The following CARM1 variants were observed in gnomAD, a reference collection of about 807,000 sequenced individuals.
CARM1 encodes coactivator associated arginine methyltransferase 1.
Under a neutral mutation model 72.7 loss-of-function variants are expected in CARM1, and 14 were observed. The ratio of observed to expected loss-of-function variants is 0.19; its 90% CI spans 0.13 to 0.30. The LOEUF is 0.30. Ranked by LOEUF, CARM1 falls within the 10% of genes least tolerant of loss-of-function variation. The pLI is 1.00. For missense variants in CARM1, 432 were observed against 833.7 expected (o/e 0.52, Z 5.93); for synonymous variants, 333 against 345.5 (o/e 0.96, Z 0.40).
rs1184781686 is a variant in CARM1 at position 10,871,589 on chromosome 19, AGCGGCGGCGGCGGCGGCG to A, written c.-81_-64del. 0.043 allele frequency: 4,979 copies of A among 117,064 alleles called. 136 individuals carry two copies. Among genetic ancestry groups the A allele is most frequent in the East Asian group, 0.079 (312 of 3,966 alleles). 7.3% of individuals were successfully genotyped at this position (117,064 alleles called of 1,614,324 possible). A position where few individuals can be genotyped will look rare whatever the true frequency, so the allele number is the denominator to read the frequency against. ...CGGCGGCTGCGGCGGCGGTAGCGGC[AGCGGCGGCGGCGGCGGCG>A]GCGGCGGCGGCGGCGGCGGCGGCGG... On this transcript the variant is annotated 5_prime_UTR_variant, in exon 1 of 16. Transcript: ENST00000327064. This position sits in a 1 kb window ranked among gnomAD's most constrained non-coding sequence, Gnocchi z 5.6.
In CARM1 at chr19:10,920,253, GTACA is replaced by G. The variant is rs2074230736; in HGVS notation, c.1197-181_1197-178del. Among the ~76,000 whole-genome samples the G allele has an allele frequency of 1.3e-5, 2 of 152,064 alleles. No homozygotes were observed. Among genetic ancestry groups the G allele is most frequent in the South Asian group, 2.1e-4 (1 of 4,820 alleles). On this transcript the variant is annotated intron_variant, in intron 10 of 15. Coordinates refer to ENST00000327064, the MANE Select transcript of CARM1 (RefSeq NM_199141.2). This position sits in a 1 kb window ranked among gnomAD's most constrained non-coding sequence, Gnocchi z 5.3. ...TCTCGTGGTTGCGGGCCCCTCGTGTGTACATGTATGCCTGCTCATGTTTGTGTCT... is the reference window on the plus strand; with the variant it reads ...TCTCGTGGTTGCGGGCCCCTCGTGTGTGTATGCCTGCTCATGTTTGTGTCT...
intron 1 of CARM1, among the ~76,000 whole-genome samples, chr19:10,874,285 C>G (rs950416528): frequency 6.6e-6 from 1 of 152,176 alleles, no homozygotes; most frequent in Non-Finnish European, 1.5e-5. Flanking sequence ...GTCCACATTC[C>G]TCAGAGAGCC....
rs760295631 is a variant in CARM1 at position 10,912,315 on chromosome 19, C to T, written c.669+21C>T. 1.9e-6 allele frequency: 3 copies of T among 1,567,066 alleles called. No individual in the cohort carries two copies. Among genetic ancestry groups the T allele is most frequent in the Non-Finnish European group, 1.8e-6 (2 of 1,138,168 alleles). On this transcript the variant is annotated intron_variant, in intron 5 of 15. Coordinates refer to ENST00000327064, the MANE Select transcript of CARM1 (RefSeq NM_199141.2). The surrounding 1 kb of genome is among the most constrained non-coding windows in gnomAD (Gnocchi z 4.5). ...CTGAGGTCAGTGGCCCGCTGGTGCC[C>T]ACCCAGCCTCGTCCTCGCCCATGAG... is the stretch of plus-strand genomic sequence containing the variant.
chr19:10,907,530 C>G (rs749279810), intron 2 of CARM1, among the ~76,000 whole-genome samples: 15 of 152,188 alleles, frequency 9.9e-5, no homozygotes, highest in Non-Finnish European at 1.9e-4. Flanking sequence ...ACCTCAGCCT[C>G]CCACCTCAGC....
Position 10,922,568 on chromosome 19 carries a change from A to C in CARM1, c.*811A>C, listed in dbSNP as rs1177546390. ...TGGGGCAGACACAGACACCTCAAGG[A>C]TCTGTCACGGAAGGCGTCCTTTTTC... On this transcript the variant is annotated 3_prime_UTR_variant, in exon 16 of 16. Transcript: ENST00000327064. 6.6e-6 allele frequency: 1 copy of C among 150,888 alleles called. No homozygotes were observed. The highest frequency in any genetic ancestry group is 2.0e-4 in the East Asian group (1 of 5,080). 9.3% of individuals were successfully genotyped at this position (150,888 alleles called of 1,614,324 possible).
In CARM1 at chr19:10,908,161, C is replaced by G. The variant is rs367737066; in HGVS notation, c.453+16C>G. 2.5e-6 allele frequency: 4 copies of G among 1,575,696 alleles called. No homozygotes were observed. The highest frequency in any genetic ancestry group is 2.7e-5 in the African/African-American group (2 of 74,134). On this transcript the variant is annotated intron_variant, in intron 3 of 15. Coordinates refer to ENST00000327064, the MANE Select transcript of CARM1 (RefSeq NM_199141.2). ...GTACTTCCAGGTGGGTTGTACTCCCCCTCAGCCAGGCCGCCTCCCCCCGGC... is the reference window on the plus strand; with the variant it reads ...GTACTTCCAGGTGGGTTGTACTCCCGCTCAGCCAGGCCGCCTCCCCCCGGC...
At chr19:10,878,958 C>T (rs1166119585) in intron 1 of CARM1, among the ~76,000 whole-genome samples, 1 of 152,130 alleles carries the variant, frequency 6.6e-6, no homozygotes, top group Non-Finnish European at 1.5e-5. Context: ...AGGCGTGTGC[C>T]ACCACGGCTG....
In CARM1 at chr19:10,916,365, T is replaced by C. The variant is rs1211275625; in HGVS notation, c.848-42T>C. 7.4e-7 allele frequency: 1 copy of C among 1,350,800 alleles called. No homozygotes were observed. Among genetic ancestry groups the C allele is most frequent in the Non-Finnish European group, 1.1e-6 (1 of 942,762 alleles). 83.7% of individuals were successfully genotyped at this position (1,350,800 alleles called of 1,614,324 possible). A position where few individuals can be genotyped will look rare whatever the true frequency, so the allele number is the denominator to read the frequency against. ...GGAAGCTCTGCCAGGCAGTGTGGGA[T>C]GTGTCACCTGACGCCAGCACCCCTC... On this transcript the variant is annotated intron_variant, in intron 6 of 15. Transcript: ENST00000327064. The surrounding 1 kb of genome is among the most constrained non-coding windows in gnomAD (Gnocchi z 4.4).
At position 10,888,546 on chromosome 19, in the gene CARM1, G is replaced by A. The variant is rs1188744405; in HGVS notation, c.221-16405G>A. On this transcript the variant is annotated intron_variant, in intron 1 of 15. Transcript: ENST00000327064. ...TCACAGCTTCAAAGTCTTGGCCCGC[G>A]GGAGAAGAAAGACTGGGCGAGCTGG... 2.6e-5 allele frequency among the ~76,000 whole-genome samples: 4 copies of A among 152,156 alleles called. No homozygotes were observed. In the South Asian group the frequency reaches 8.3e-4, roughly 32 times the overall value.
chr19:10,894,204 C>T (rs2074007909), intron 1 of CARM1, among the ~76,000 whole-genome samples: 1 of 152,154 alleles, frequency 6.6e-6, no homozygotes. Flanking sequence ...TGTTGTCCGT[C>T]TCCTCACTGC....
intron 15 of CARM1, 28 bp downstream of exon 15, chr19:10,921,471 G>A (rs762466763): frequency 4.5e-5 from 71 of 1,591,094 alleles, no homozygotes; most frequent in South Asian, 3.5e-4. Context: ...GGCAGGGCCC[G>A]TGGGGGCCGA....
chr19:10,907,596 T>G (rs1189851744), intron 2 of CARM1, among the ~76,000 whole-genome samples: 1 of 152,218 alleles, frequency 6.6e-6, no homozygotes, highest in East Asian at 1.9e-4. Context: ...TCTACTGTGC[T>G]TTTCTGTGCC....
intron 1 of CARM1, among the ~76,000 whole-genome samples, chr19:10,878,405 C>T (rs1429903418): frequency 6.6e-6 from 1 of 152,148 alleles, no homozygotes; most frequent in Non-Finnish European, 1.5e-5. Flanking sequence ...AATCCTCAGG[C>T]CGAATAGAGC....
chr19:10,892,441 A>G (rs1599693056), intron 1 of CARM1, among the ~76,000 whole-genome samples: 2 of 152,316 alleles, frequency 1.3e-5, no homozygotes, highest in South Asian at 4.1e-4. Flanking sequence ...GGGTGACCTC[A>G]TGGTCCTCAG....
Position 10,912,159 on chromosome 19 carries a change from C to A in CARM1, c.559-25C>A, listed in dbSNP as rs767215390. The A allele has an allele frequency of 6.3e-7, 1 of 1,582,652 alleles. No homozygotes were observed. Among genetic ancestry groups the A allele is most frequent in the South Asian group, 1.1e-5 (1 of 90,444 alleles). On this transcript the variant is annotated intron_variant, in intron 4 of 15. Coordinates refer to ENST00000327064, the MANE Select transcript of CARM1 (RefSeq NM_199141.2). This position sits in a 1 kb window ranked among gnomAD's most constrained non-coding sequence, Gnocchi z 4.5. ...CATCACCGTCGCCTCCTATGTCTCG[C>A]TCTCACCTCCCACTCCTCCCTCAGA... is the stretch of plus-strand genomic sequence containing the variant.
At chr19:10,919,526 G>A in intron 8 of CARM1, 69 bp from the exon 9 acceptor site, 1 of 1,143,122 alleles carries the variant, frequency 8.7e-7, no homozygotes, top group Non-Finnish European at 1.3e-6. Context: ...CTGGGGGAAG[G>A]GGCAGGGCTC....
At chr19:10,885,586 G>A (rs1393521214) in intron 1 of CARM1, among the ~76,000 whole-genome samples, 1 of 152,206 alleles carries the variant, frequency 6.6e-6, no homozygotes, top group Non-Finnish European at 1.5e-5. Flanking sequence ...CCGGGCAGGG[G>A]GCATGTGAAT....
chr19:10,905,510 G>C (rs2074096645), intron 2 of CARM1, among the ~76,000 whole-genome samples: 1 of 152,216 alleles, frequency 6.6e-6, no homozygotes, highest in South Asian at 2.1e-4. Context: ...GTGGACACAA[G>C]ATTCCTGACT....
Position 10,912,090 on chromosome 19 carries a change from A to T in CARM1, c.559-94A>T. 1.1e-6 allele frequency: 1 copy of T among 893,154 alleles called. No individual in the cohort carries two copies. The highest frequency in any genetic ancestry group is 1.9e-6 in the Non-Finnish European group (1 of 524,098). 55.3% of individuals were successfully genotyped at this position (893,154 alleles called of 1,614,324 possible). On this transcript the variant is annotated intron_variant, in intron 4 of 15. Transcript: ENST00000327064. This position sits in a 1 kb window ranked among gnomAD's most constrained non-coding sequence, Gnocchi z 4.5. Reference sequence around the variant, plus strand: ...GGGCAAACATTGAGAGTGAAGACAGACGCCTCATGATGTGCACATCCCTTA... The same window carrying T: ...GGGCAAACATTGAGAGTGAAGACAGTCGCCTCATGATGTGCACATCCCTTA...
Sources: gnomAD v4.1 joint callset for allele counts (sites outside exome capture counted in the v4.1 genomes callset) on GRCh38, gnomAD v4.1.1 for gene constraint, Gnocchi (gnomAD v3.1) non-coding constraint, MANE v1.5 for transcripts, NCBI Gene and HGNC (gene_info 2026-07-23, HGNC 2026-07-21) for gene names.